EFNA5: variants seen among roughly 807,000 people sequenced by gnomAD.
The protein encoded by EFNA5 is ephrin A5, also known as ephrin-A5.
A neutral mutation model predicts 22.9 loss-of-function variants in EFNA5; 5 were observed. The ratio of observed to expected loss-of-function variants is 0.22; its 90% CI spans 0.11 to 0.46. The LOEUF (loss-of-function observed/expected upper bound fraction) is 0.46. Among genes scored for constraint, EFNA5 ranks in the 20% least tolerant of loss-of-function variants. The probability of loss-of-function intolerance (pLI) is 0.99; values close to 1 mark genes in which losing one functional copy is unlikely to be tolerated. For missense variants in EFNA5, 237 were observed against 293.3 expected (o/e 0.81, Z 1.40); for synonymous variants, 113 against 112.2 (o/e 1.01, Z -0.04).
intron 1 of EFNA5, among the ~76,000 whole-genome samples, chr5:107,560,810 T>C (rs1167776246): frequency 2.6e-5 from 4 of 152,152 alleles, no homozygotes; most frequent in African/African-American, 9.7e-5. Context: ...AGACAATGCA[T>C]GGAGTGAGGC....
At chr5:107,602,344 T>C (rs1224598750) in intron 1 of EFNA5, among the ~76,000 whole-genome samples, 2 of 152,168 alleles carry the variant, frequency 1.3e-5, no homozygotes, top group Admixed American at 6.5e-5. Flanking sequence ...AACAGGCCTG[T>C]TAATGTATGT....
chr5:107,509,271 A>G (rs375117528), intron 1 of EFNA5, among the ~76,000 whole-genome samples: 233 of 152,158 alleles, frequency 1.5e-3, no homozygotes, highest in African/African-American at 5.1e-3. Context: ...CATCTGAAAG[A>G]ACCAACACAA....
intron 2 of EFNA5, among the ~76,000 whole-genome samples, chr5:107,400,294 C>T (rs1748051197): frequency 6.9e-6 from 1 of 144,966 alleles, no homozygotes; most frequent in Admixed American, 6.7e-5. Flanking sequence ...AAATGTATAA[C>T]TTCAATAAGT....
chr5:107,646,496 G>C (rs566479956), intron 1 of EFNA5, among the ~76,000 whole-genome samples: 16 of 152,170 alleles, frequency 1.1e-4, no homozygotes, highest in African/African-American at 2.9e-4. Context: ...ATAAGTATCT[G>C]GTATTAATGT....
chr5:107,393,408 A>G (rs2112378934), intron 2 of EFNA5, among the ~76,000 whole-genome samples: 1 of 152,346 alleles, frequency 6.6e-6, no homozygotes, highest in South Asian at 2.1e-4. Flanking sequence ...TTTCAGGCCC[A>G]ACACTGTACT....
chr5:107,540,287 T>C (rs1194930007), intron 1 of EFNA5, among the ~76,000 whole-genome samples: 2 of 152,220 alleles, frequency 1.3e-5, no homozygotes, highest in Non-Finnish European at 2.9e-5. Context: ...TATTCTAATG[T>C]ATAATCTAAA....
intron 1 of EFNA5, among the ~76,000 whole-genome samples, chr5:107,453,289 A>G (rs1749607599): frequency 6.6e-6 from 1 of 152,164 alleles, no homozygotes; most frequent in South Asian, 2.1e-4. Context: ...AACTTCCTAT[A>G]GTTGGTAAAG....
Position 107,482,852 on chromosome 5 carries a change from CTCTCTCTCTCTCTCTCTCTATATA to C in EFNA5, c.126-55367_126-55344del, listed in dbSNP as rs1561406359. On this transcript the variant is annotated intron_variant, in intron 1 of 4. Coordinates refer to ENST00000333274, the MANE Select transcript of EFNA5 (RefSeq NM_001962.3). ...TCTCTGTCTCTCTCTCTCTCTCTCT[CTCTCTCTCTCTCTCTCTCTATATA>C]TATATATATATATATATACATACAT... Among the ~76,000 whole-genome samples, 41 of 67,772 alleles carry C rather than the reference CTCTCTCTCTCTCTCTCTCTATATA, an allele frequency of 6.0e-4. 1 individual carries two copies. The South Asian group carries it at 0.021, about 35-fold the overall frequency. The allele number at this position is 67,772 out of a possible 152,430, so 44.5% of individuals were successfully genotyped here.
intron 1 of EFNA5, among the ~76,000 whole-genome samples, chr5:107,594,484 C>G (rs1362443560): frequency 6.6e-6 from 1 of 152,136 alleles, no homozygotes; most frequent in Admixed American, 6.5e-5. Context: ...GATAAGTGTG[C>G]CAGCTGCTGT....
intron 1 of EFNA5, among the ~76,000 whole-genome samples, chr5:107,623,126 T>G (rs1179922278): frequency 1.4e-5 from 2 of 147,330 alleles, no homozygotes; most frequent in Non-Finnish European, 3.0e-5. Flanking sequence ...CATCACACAG[T>G]ACTGCCTCCC....
intron 1 of EFNA5, among the ~76,000 whole-genome samples, chr5:107,617,605 G>T (rs1240286409): frequency 1.3e-5 from 2 of 152,138 alleles, no homozygotes; most frequent in African/African-American, 4.8e-5. Flanking sequence ...GTATTGAGAG[G>T]CAAGTTTGCC....
chr5:107,653,186 C>T (rs1393861602), intron 1 of EFNA5, among the ~76,000 whole-genome samples: 1 of 152,214 alleles, frequency 6.6e-6, no homozygotes, highest in Middle Eastern at 3.4e-3. Flanking sequence ...CTTGAGAAGA[C>T]AGCATCACTG....
rs373364066 is a variant in EFNA5 at position 107,464,639 on chromosome 5, G to T, written c.126-37130C>A. ...AAGTCCAATAACTCAGCTCTCTGCTGTCCTGACAGTTTAGTTAAACCTACA... is the reference window on the plus strand; with the variant it reads ...AAGTCCAATAACTCAGCTCTCTGCTTTCCTGACAGTTTAGTTAAACCTACA... On this transcript the variant is annotated intron_variant, in intron 1 of 4. Coordinates refer to ENST00000333274, the MANE Select transcript of EFNA5 (RefSeq NM_001962.3). Among the ~76,000 whole-genome samples the T allele has an allele frequency of 1.1e-4, 17 of 152,278 alleles. 1 individual carries two copies. In the East Asian group the frequency reaches 1.7e-3, roughly 16 times the overall value.
At chr5:107,559,396 A>G (rs1024576033) in intron 1 of EFNA5, among the ~76,000 whole-genome samples, 14 of 152,204 alleles carry the variant, frequency 9.2e-5, no homozygotes, top group Non-Finnish European at 1.5e-4. Context: ...CCCTCTTAGG[A>G]TATAGTATAG....
intron 1 of EFNA5, among the ~76,000 whole-genome samples, chr5:107,555,060 G>A (rs1050472694): frequency 4.6e-5 from 7 of 152,132 alleles, no homozygotes; most frequent in Non-Finnish European, 2.9e-5. Flanking sequence ...GCATTCTCAC[G>A]GGTTCCCCAC....
intron 1 of EFNA5, among the ~76,000 whole-genome samples, chr5:107,481,697 C>G (rs1309508725): frequency 6.6e-6 from 1 of 151,508 alleles, no homozygotes; most frequent in Admixed American, 6.6e-5. Flanking sequence ...AAAGATAACA[C>G]AAATTAGTTG....
chr5:107,509,486 T>A (rs1747320159), intron 1 of EFNA5, among the ~76,000 whole-genome samples: 2 of 53,198 alleles, frequency 3.8e-5, no homozygotes, highest in South Asian at 1.0e-3. Context: ...GCTTGGCTAA[T>A]TTTTTTTTTT....
rs539292120 is a variant in EFNA5, at chr5:107,483,246, T to C, written c.126-55737A>G. On this transcript the variant is annotated intron_variant, in intron 1 of 4. Coordinates refer to ENST00000333274, the MANE Select transcript of EFNA5 (RefSeq NM_001962.3). ...CCTGGGGAGAGGGGATATAAATAAA[T>C]TGACATCTATTCACATAGGTCTCAA... Among the ~76,000 whole-genome samples, 237 of 152,138 alleles carry C rather than the reference T, an allele frequency of 1.6e-3. 1 individual carries two copies. Among genetic ancestry groups the C allele is most frequent in the Non-Finnish European group, 1.4e-3 (97 of 68,012 alleles).
intron 1 of EFNA5, among the ~76,000 whole-genome samples, chr5:107,641,041 T>C (rs164836): frequency 0.5 from 61,635 of 124,504 alleles, 14,067 homozygotes; most frequent in South Asian, 0.64. Context: ...GACAGACAGA[T>C]AGATAGATAG....
Sources: gnomAD v4.1 joint callset for allele counts (sites outside exome capture counted in the v4.1 genomes callset) on GRCh38, gnomAD v4.1.1 for gene constraint, MANE v1.5 for transcripts, NCBI Gene and HGNC (gene_info 2026-07-23, HGNC 2026-07-21) for gene names.